The following IGFBP7 variants were observed in gnomAD, a reference collection of about 807,000 sequenced individuals.
IGFBP7 encodes the protein insulin like growth factor binding protein 7.
Under a neutral mutation model 29.4 loss-of-function variants are expected in IGFBP7, and 31 were observed. That is an observed-to-expected ratio of 1.05 (90% CI 0.79 to 1.42). The LOEUF (loss-of-function observed/expected upper bound fraction) is 1.42. IGFBP7 is among the 40% of genes most tolerant of loss of function. The pLI is 0.00. For missense variants in IGFBP7, 393 were observed against 395.5 expected (o/e 0.99, Z 0.05); for synonymous variants, 172 against 174.9 (o/e 0.98, Z 0.13).
chr4:57,044,624 A>C (rs1194752254), intron 1 of IGFBP7, among the ~76,000 whole-genome samples: 1 of 152,192 alleles, frequency 6.6e-6, no homozygotes, highest in East Asian at 1.9e-4. Flanking sequence ...TCTTTTTCCT[A>C]ATGAATCATA....
intron 1 of IGFBP7, among the ~76,000 whole-genome samples, chr4:57,084,586 C>T (rs62308281): frequency 0.12 from 17,815 of 152,026 alleles, 1,272 homozygotes; most frequent in Non-Finnish European, 0.14. Flanking sequence ...TGGCTACTTC[C>T]TCTGAACACG....
At chr4:57,095,025 G>T (rs994862843) in intron 1 of IGFBP7, among the ~76,000 whole-genome samples, 3 of 152,138 alleles carry the variant, frequency 2.0e-5, no homozygotes, top group Non-Finnish European at 4.4e-5. Context: ...TTGTATTTTT[G>T]TGCTTTCTGA....
chr4:57,102,134 T>G (rs1269503530), intron 1 of IGFBP7, among the ~76,000 whole-genome samples: 1 of 152,192 alleles, frequency 6.6e-6, no homozygotes, highest in African/African-American at 2.4e-5. Flanking sequence ...GGAAGCATCA[T>G]AATCTCATCC....
intron 4 of IGFBP7, chr4:57,032,114 C>T (rs747559419): frequency 6.6e-6 from 2 of 302,974 alleles, no homozygotes; most frequent in African/African-American, 2.2e-5. Flanking sequence ...AGTCACAACA[C>T]AAAGGGAAAA....
intron 1 of IGFBP7, among the ~76,000 whole-genome samples, chr4:57,100,680 T>C (rs1725876458): frequency 6.6e-6 from 1 of 152,250 alleles, no homozygotes; most frequent in Non-Finnish European, 1.5e-5. Context: ...AGGAAAGTCT[T>C]CCTAAAACTT....
Position 57,057,639 on chromosome 4 carries a change from T to G in IGFBP7, c.476-16706A>C, listed in dbSNP as rs180805223. Among the ~76,000 whole-genome samples the G allele has an allele frequency of 2.4e-4, 37 of 152,282 alleles. No homozygotes were observed. In the East Asian group the frequency reaches 5.4e-3, roughly 22 times the overall value. ...TGGCCTTGGAGCTGCTGTTTATGCC[T>G]CCCTCATCCTTGCTTTTTGGGTATG... On this transcript the variant is annotated intron_variant, in intron 1 of 4. Transcript: ENST00000295666.
At chr4:57,059,248 T>A (rs1177672234) in intron 1 of IGFBP7, among the ~76,000 whole-genome samples, 1 of 152,186 alleles carries the variant, frequency 6.6e-6, no homozygotes, top group Non-Finnish European at 1.5e-5. Context: ...TTGCTGGATA[T>A]ATACCCAGAG....
intron 1 of IGFBP7, among the ~76,000 whole-genome samples, chr4:57,052,963 C>G (rs1724546416): frequency 6.6e-6 from 1 of 151,780 alleles, no homozygotes; most frequent in Non-Finnish European, 1.5e-5. Context: ...TTGCTTCTTG[C>G]AATGTGTTGG....
intron 2 of IGFBP7, among the ~76,000 whole-genome samples, chr4:57,037,840 C>A (rs145769006): frequency 4.3e-4 from 66 of 152,200 alleles, no homozygotes; most frequent in African/African-American, 1.5e-3. Context: ...GGGTATTCCT[C>A]GGAACATTAT....
chr4:57,072,892 GC>G, intron 1 of IGFBP7: 1 of 680,346 alleles, frequency 1.5e-6, no homozygotes, highest in Non-Finnish European at 2.8e-6. Flanking sequence ...AGTTCCTCAC[GC>G]CCTGCTACCA....
At chr4:57,087,365 C>A (rs1725522948) in intron 1 of IGFBP7, among the ~76,000 whole-genome samples, 1 of 152,230 alleles carries the variant, frequency 6.6e-6, no homozygotes, top group Non-Finnish European at 1.5e-5. Flanking sequence ...ACACTGCCAA[C>A]CCTTGAGTAC....
chr4:57,080,776 A>G (rs561704559), intron 1 of IGFBP7, among the ~76,000 whole-genome samples: 59 of 152,330 alleles, frequency 3.9e-4, no homozygotes, highest in African/African-American at 1.4e-3. Context: ...TACCGTGCAC[A>G]CCGATCCAGG....
chr4:57,105,419 G>A (rs1725999543), intron 1 of IGFBP7, among the ~76,000 whole-genome samples: 1 of 152,142 alleles, frequency 6.6e-6, no homozygotes, highest in African/African-American at 2.4e-5. Context: ...TACATACCAT[G>A]CACTTATCTA....
intron 2 of IGFBP7, among the ~76,000 whole-genome samples, chr4:57,035,079 A>T (rs1724050357): frequency 6.6e-6 from 1 of 152,220 alleles, no homozygotes; most frequent in Non-Finnish European, 1.5e-5. Context: ...TTTCAGAATC[A>T]TATGAGTTTT....
intron 1 of IGFBP7, among the ~76,000 whole-genome samples, chr4:57,106,778 T>C (rs1726043523): frequency 6.6e-6 from 1 of 152,212 alleles, no homozygotes. Context: ...GTAATTGGAA[T>C]ACAGAAGCAT....
intron 1 of IGFBP7, among the ~76,000 whole-genome samples, chr4:57,101,620 G>A (rs1271663502): frequency 1.3e-5 from 2 of 152,078 alleles, no homozygotes; most frequent in Non-Finnish European, 2.9e-5. Flanking sequence ...TCCAACTTGG[G>A]ATAAAACAGA....
At chr4:57,092,052 C>A (rs1351258567) in intron 1 of IGFBP7, among the ~76,000 whole-genome samples, 1 of 152,020 alleles carries the variant, frequency 6.6e-6, no homozygotes, top group African/African-American at 2.4e-5. Flanking sequence ...TGACTGTAGT[C>A]AAATAGAATA....
intron 1 of IGFBP7, among the ~76,000 whole-genome samples, chr4:57,049,032 C>T (rs1324438564): frequency 2.0e-5 from 3 of 152,168 alleles, no homozygotes; most frequent in African/African-American, 7.2e-5. Context: ...TCTGAAGTCT[C>T]ACTGTCTGGG....
intron 1 of IGFBP7, among the ~76,000 whole-genome samples, chr4:57,057,478 T>A (rs1364399416): frequency 1.3e-5 from 2 of 152,226 alleles, no homozygotes; most frequent in Non-Finnish European, 1.5e-5. Flanking sequence ...ATTCTTTTGT[T>A]TATGTAAATG....
Sources: allele counts gnomAD v4.1 joint callset (sites outside exome capture counted in the v4.1 genomes callset), GRCh38; gene constraint gnomAD v4.1.1; transcripts MANE v1.5; gene names NCBI Gene and HGNC (gene_info 2026-07-23, HGNC 2026-07-21).